The following GRM3 variants were observed in gnomAD, a reference collection of about 807,000 sequenced individuals.
GRM3 encodes glutamate metabotropic receptor 3.
Under a neutral mutation model 70.5 loss-of-function variants are expected in GRM3, and 26 were observed. The ratio of observed to expected loss-of-function variants is 0.37; its 90% CI spans 0.27 to 0.51. The LOEUF (loss-of-function observed/expected upper bound fraction) is 0.51, where lower values mean the gene tolerates loss of function less well. Ranked by LOEUF, GRM3 falls within the 20% of genes least tolerant of loss-of-function variation. The pLI is 0.93. For synonymous variants in GRM3, 443 were observed against 434.9 expected (o/e 1.02, Z -0.23); for missense variants, 859 against 1,123.8 (o/e 0.76, Z 3.37).
At chr7:86,849,330 A>G (rs1798714668) in intron 4 of GRM3, among the ~76,000 whole-genome samples, 1 of 152,178 alleles carries the variant, frequency 6.6e-6, no homozygotes, top group Non-Finnish European at 1.5e-5. Flanking sequence ...TGGACTAGTT[A>G]AGAGAGACAA....
chr7:86,832,962 G>A (rs969303340), intron 3 of GRM3: 4 of 963,150 alleles, frequency 4.2e-6, no homozygotes, highest in Non-Finnish European at 4.9e-6. Flanking sequence ...GGAGAAGGTT[G>A]TAAGTCTTTT....
chr7:86,742,765 TG>T (rs1416351134), intron 1 of GRM3, among the ~76,000 whole-genome samples: 1 of 152,180 alleles, frequency 6.6e-6, no homozygotes, highest in African/African-American at 2.4e-5. Context: ...AGGTGACCTT[TG>T]CAAAGCACTT....
intron 4 of GRM3, among the ~76,000 whole-genome samples, chr7:86,846,167 C>T (rs937194676): frequency 3.3e-5 from 5 of 152,076 alleles, no homozygotes; most frequent in African/African-American, 7.2e-5. Flanking sequence ...GAGTAAGCGC[C>T]CAAATACAAA....
intron 1 of GRM3, among the ~76,000 whole-genome samples, chr7:86,728,603 C>T (rs1277707613): frequency 6.6e-6 from 1 of 152,154 alleles, no homozygotes; most frequent in Non-Finnish European, 1.5e-5. Flanking sequence ...TGAGTAACTG[C>T]CCTTCACCTC....
chr7:86,645,166 A>G (rs1442690082), intron 1 of GRM3, among the ~76,000 whole-genome samples: 3 of 152,160 alleles, frequency 2.0e-5, no homozygotes, highest in Non-Finnish European at 4.4e-5. Flanking sequence ...CAGACCCCAG[A>G]GAGACCAGTC....
intron 1 of GRM3, among the ~76,000 whole-genome samples, chr7:86,676,462 C>A (rs968328571): frequency 3.3e-5 from 5 of 151,804 alleles, no homozygotes; most frequent in African/African-American, 1.2e-4. Context: ...AAAATACATC[C>A]TCAAATTAAT....
intron 2 of GRM3, chr7:86,775,980 C>T (rs1418555667): frequency 1.3e-5 from 2 of 151,968 alleles, no homozygotes; most frequent in African/African-American, 4.8e-5. Context: ...TTCTTTGTCT[C>T]CCATCAAATT....
At chr7:86,774,240 A>G (rs1415934588) in intron 2 of GRM3, among the ~76,000 whole-genome samples, 1 of 152,108 alleles carries the variant, frequency 6.6e-6, no homozygotes, top group Admixed American at 6.6e-5. Context: ...TATAATAATG[A>G]AGGTCCATGG....
intron 1 of GRM3, among the ~76,000 whole-genome samples, chr7:86,655,661 C>T (rs1185966740): frequency 1.3e-5 from 2 of 152,094 alleles, no homozygotes; most frequent in African/African-American, 2.4e-5. Flanking sequence ...GCTTAAAAGT[C>T]TTATGGGTTT....
chr7:86,837,317 C>A (rs1208162743), intron 3 of GRM3, among the ~76,000 whole-genome samples: 2 of 152,122 alleles, frequency 1.3e-5, no homozygotes, highest in East Asian at 3.9e-4. Flanking sequence ...ATAACTGGAT[C>A]CAGTTTTCCC....
chr7:86,808,005 T>C (rs947556710), intron 3 of GRM3, among the ~76,000 whole-genome samples: 3 of 152,184 alleles, frequency 2.0e-5, no homozygotes, highest in African/African-American at 7.2e-5. Context: ...GAGATAGTTA[T>C]GTGGTTTTTG....
At chr7:86,721,848 C>A (rs1222117880) in intron 1 of GRM3, among the ~76,000 whole-genome samples, 1 of 152,048 alleles carries the variant, frequency 6.6e-6, no homozygotes, top group African/African-American at 2.4e-5. Context: ...GTGGCAAATG[C>A]CACAAACTGT....
intron 1 of GRM3, among the ~76,000 whole-genome samples, chr7:86,673,982 T>C (rs1794240717): frequency 6.6e-6 from 1 of 152,184 alleles, no homozygotes; most frequent in South Asian, 2.1e-4. Flanking sequence ...GCTCCTAACT[T>C]ATCTGCCTGC....
At chr7:86,715,797 C>T (rs1795299833) in intron 1 of GRM3, among the ~76,000 whole-genome samples, 1 of 151,860 alleles carries the variant, frequency 6.6e-6, no homozygotes, top group East Asian at 1.9e-4. Context: ...TCAATATGCA[C>T]AAGTTTAGAA....
At chr7:86,678,539 A>G (rs1794364515) in intron 1 of GRM3, among the ~76,000 whole-genome samples, 2 of 152,056 alleles carry the variant, frequency 1.3e-5, no homozygotes, top group African/African-American at 4.8e-5. Context: ...GCACATAATT[A>G]AATGATTTTA....
chr7:86,767,242 T>C (rs1348721254), intron 2 of GRM3, among the ~76,000 whole-genome samples: 1 of 151,760 alleles, frequency 6.6e-6, no homozygotes, highest in Non-Finnish European at 1.5e-5. Flanking sequence ...ATGATAAATA[T>C]ATAGATAGAT....
chr7:86,692,677 T>G (rs1156299999), intron 1 of GRM3, among the ~76,000 whole-genome samples: 3 of 152,254 alleles, frequency 2.0e-5, no homozygotes, highest in African/African-American at 2.4e-5. Context: ...AATTTTTGCC[T>G]GTTTTATTCT....
intron 1 of GRM3, among the ~76,000 whole-genome samples, chr7:86,663,565 G>C (rs560345977): frequency 6.6e-6 from 1 of 151,976 alleles, no homozygotes; most frequent in South Asian, 2.1e-4. Context: ...GGAAAACTTG[G>C]GTCAAAAGAG....
intron 1 of GRM3, among the ~76,000 whole-genome samples, chr7:86,701,532 T>C (rs1242336886): frequency 2.6e-5 from 4 of 151,980 alleles, no homozygotes; most frequent in Admixed American, 2.6e-4. Context: ...TTTCAACATA[T>C]ATTTCCTTTG....
Sources: allele counts gnomAD v4.1 joint callset (sites outside exome capture counted in the v4.1 genomes callset), GRCh38; gene constraint gnomAD v4.1.1; transcripts MANE v1.5; gene names NCBI Gene and HGNC (gene_info 2026-07-23, HGNC 2026-07-21).